The following EDARADD variants were observed in gnomAD, a reference collection of about 807,000 sequenced individuals.
EDARADD encodes EDAR associated via death domain, also known as ectodysplasin-A receptor-associated adapter protein.
In EDARADD, 20 loss-of-function variants were observed where a neutral mutation model predicts 25.6. The ratio of observed to expected loss-of-function variants is 0.78; its 90% CI spans 0.55 to 1.14. The LOEUF (loss-of-function observed/expected upper bound fraction) is 1.14, where lower values mean the gene tolerates loss of function less well. EDARADD is among the 50% of genes most tolerant of loss of function. EDARADD has a pLI of 0.00. For synonymous variants in EDARADD, 86 were observed against 94.4 expected (o/e 0.91, Z 0.52); for missense variants, 225 against 270.1 (o/e 0.83, Z 1.17).
intron 3 of EDARADD, among the ~76,000 whole-genome samples, chr1:236,384,286 G>A (rs1001242050): frequency 6.6e-6 from 1 of 152,192 alleles, no homozygotes; most frequent in East Asian, 1.9e-4. Flanking sequence ...GAGGGTCTAT[G>A]TCTCTGCAAT....
chr1:236,429,953 C>G (rs997853950), intron 4 of EDARADD, among the ~76,000 whole-genome samples: 1 of 152,188 alleles, frequency 6.6e-6, no homozygotes, highest in Non-Finnish European at 1.5e-5. Context: ...CTATATATAA[C>G]ATCAAGTTAA....
intron 4 of EDARADD, among the ~76,000 whole-genome samples, chr1:236,462,776 A>G (rs1230782593): frequency 6.6e-6 from 1 of 152,236 alleles, no homozygotes; most frequent in Non-Finnish European, 1.5e-5. Context: ...TTTTGCCCAA[A>G]TATAAGATAA....
At chr1:236,452,531 A>G (rs1378387214) in intron 4 of EDARADD, among the ~76,000 whole-genome samples, 2 of 151,614 alleles carry the variant, frequency 1.3e-5, no homozygotes, top group Non-Finnish European at 2.9e-5. Flanking sequence ...ACTGCCATGT[A>G]AGACGTGCCC....
At chr1:236,414,410 C>T (rs1657581002) in intron 3 of EDARADD, 111 bp downstream of exon 3, 1 of 823,322 alleles carries the variant, frequency 1.2e-6, no homozygotes, top group Non-Finnish European at 2.0e-6. Flanking sequence ...GAAACATGCC[C>T]ATAGATTAGC....
At chr1:236,456,372 C>T (rs921884469) in intron 4 of EDARADD, among the ~76,000 whole-genome samples, 1 of 152,140 alleles carries the variant, frequency 6.6e-6, no homozygotes, top group East Asian at 1.9e-4. Flanking sequence ...ACTCACTGAC[C>T]GCTAGAAAGT....
chr1:236,405,654 T>C (rs1424932830), intron 1 of EDARADD, among the ~76,000 whole-genome samples: 1 of 121,920 alleles, frequency 8.2e-6, no homozygotes, highest in Admixed American at 8.3e-5. Context: ...CCTGTGTGTG[T>C]CCTCAATGAT....
rs138861703 is a variant in EDARADD, at chr1:236,462,193, G to T, written c.220-6038G>T. Among the ~76,000 whole-genome samples the T allele has an allele frequency of 8.8e-3, 1,338 of 152,298 alleles. 28 individuals are homozygous for T. Among genetic ancestry groups the T allele is most frequent in the African/African-American group, 0.029 (1,217 of 41,544 alleles). ...GGGACTTCCCTAGCATGTCAGCTCA[G>T]GTTGACTGGGCCCCTTTGGATTGGT... On this transcript the variant is annotated intron_variant, in intron 4 of 5. Coordinates refer to ENST00000334232, the MANE Select transcript of EDARADD (RefSeq NM_145861.4).
intron 4 of EDARADD, among the ~76,000 whole-genome samples, chr1:236,440,532 C>CGAG (rs1658371064): frequency 2.0e-5 from 3 of 151,890 alleles, no homozygotes; most frequent in Non-Finnish European, 4.4e-5. Flanking sequence ...CAGGGCATGC[C>CGAG]TCTTTTTATT....
chr1:236,379,613 T>G (rs1177866036), intron 3 of EDARADD, among the ~76,000 whole-genome samples: 1 of 151,696 alleles, frequency 6.6e-6, no homozygotes, highest in Non-Finnish European at 1.5e-5. Context: ...ACACCATCTC[T>G]ACTAAAAATA....
At chr1:236,426,417 G>C (rs943776810) in intron 3 of EDARADD, among the ~76,000 whole-genome samples, 1 of 152,198 alleles carries the variant, frequency 6.6e-6, no homozygotes, top group South Asian at 2.1e-4. Flanking sequence ...CAGGGGAGGA[G>C]GACACTGCCC....
chr1:236,440,928 G>A (rs1658381370), intron 4 of EDARADD, among the ~76,000 whole-genome samples: 1 of 152,070 alleles, frequency 6.6e-6, no homozygotes, highest in Non-Finnish European at 1.5e-5. Context: ...ACCCTACAAT[G>A]AGCTCTTAAG....
At chr1:236,394,155 G>A, upstream of EDARADD, 1 of 412,922 alleles carries the variant, frequency 2.4e-6, no homozygotes, top group Non-Finnish European at 4.5e-6. Context: ...CACTCAACTA[G>A]TGTTTCCTGA....
intron 4 of EDARADD, among the ~76,000 whole-genome samples, chr1:236,448,671 C>A (rs1231694269): frequency 6.6e-6 from 1 of 152,164 alleles, no homozygotes; most frequent in Admixed American, 6.5e-5. Flanking sequence ...GCTCCGGTGC[C>A]AGCACTGGTG....
intron 3 of EDARADD, among the ~76,000 whole-genome samples, chr1:236,378,211 C>CTT (rs771347110): frequency 1.1e-3 from 162 of 152,234 alleles, no homozygotes; most frequent in Non-Finnish European, 1.9e-3. Context: ...TAAGATCAGG[C>CTT]CTTGTTAAGA....
At chr1:236,360,280 A>C (rs1431737308) in intron 3 of EDARADD, among the ~76,000 whole-genome samples, 1 of 152,086 alleles carries the variant, frequency 6.6e-6, no homozygotes, top group Non-Finnish European at 1.5e-5. Context: ...TGATTGAGCC[A>C]TTGCACTCCA....
rs560642492 is a variant in EDARADD, at chr1:236,349,520, G to A, written c.-142+554G>A. On this transcript the variant is annotated intron_variant, in intron 2 of 7. Coordinates refer to the EDARADD transcript ENST00000439430. ...ATACATTGGTTTGGTTCAGAAAGGCGGGACAACTCAAAGCGGGGTGGCGGG... is the reference window on the plus strand; with the variant it reads ...ATACATTGGTTTGGTTCAGAAAGGCAGGACAACTCAAAGCGGGGTGGCGGG... Among the ~76,000 whole-genome samples the A allele has an allele frequency of 6.6e-5, 10 of 151,980 alleles. 1 individual carries two copies. In the South Asian group the frequency reaches 1.5e-3, roughly 22 times the overall value.
chr1:236,402,514 G>A lies in EDARADD; in HGVS notation c.62-6702G>A, dbSNP rs187845917. ...GGAGGCTGCAGTGAGCTGTGATTAA[G>A]CCACTGCACTCCAGCCTGGGTGAGA... On this transcript the variant is annotated intron_variant, in intron 1 of 5. Transcript: ENST00000334232. Among the ~76,000 whole-genome samples, 286 of 152,286 alleles carry A rather than the reference G, an allele frequency of 1.9e-3. 5 individuals are homozygous for A. Among genetic ancestry groups the A allele is most frequent in the African/African-American group, 6.6e-3 (275 of 41,556 alleles).
At chr1:236,429,194 G>GGGAGAGGGAGCC (rs1261224417) in intron 4 of EDARADD, among the ~76,000 whole-genome samples, 8 of 51,446 alleles carry the variant, frequency 1.6e-4, no homozygotes, top group African/African-American at 3.0e-4. Context: ...CAGAGGGAGA[G>GGGAGAGGGAGCC]GGAGCGGGAG....
Position 236,356,058 on chromosome 1 carries a change from A to G in EDARADD, c.-6+5219A>G, listed in dbSNP as rs111349726. 2.0e-5 allele frequency among the ~76,000 whole-genome samples: 3 copies of G among 152,150 alleles called. 1 individual carries two copies. Among genetic ancestry groups the G allele is most frequent in the African/African-American group, 7.2e-5 (3 of 41,522 alleles). Reference sequence around the variant, plus strand: ...GTGTCTGCCTGCAGCATCTTATCAGACTCCTGAGACTGGATTTCAGATCTT... The same window carrying G: ...GTGTCTGCCTGCAGCATCTTATCAGGCTCCTGAGACTGGATTTCAGATCTT... On this transcript the variant is annotated intron_variant, in intron 3 of 7. Transcript: ENST00000439430.
Sources: allele counts gnomAD v4.1 joint callset (sites outside exome capture counted in the v4.1 genomes callset), GRCh38; gene constraint gnomAD v4.1.1; transcripts MANE v1.5; gene names NCBI Gene and HGNC (gene_info 2026-07-23, HGNC 2026-07-21).